SLIT3: variants seen among roughly 807,000 people sequenced by gnomAD.
SLIT3 encodes slit homolog 3 protein.
Under a neutral mutation model 184.0 loss-of-function variants are expected in SLIT3, and 68 were observed. That is an observed-to-expected ratio of 0.37 (90% CI 0.30 to 0.45). The LOEUF (loss-of-function observed/expected upper bound fraction) is 0.45. Among genes scored for constraint, SLIT3 ranks in the 20% least tolerant of loss-of-function variants. The probability of loss-of-function intolerance (pLI) is 1.00; values close to 1 mark genes in which losing one functional copy is unlikely to be tolerated. For synonymous variants in SLIT3, 831 were observed against 828.6 expected (o/e 1.00, Z -0.05); for missense variants, 1,707 against 2,026.0 (o/e 0.84, Z 3.02).
chr5:169,212,483 G>A (rs1764298843), intron 3 of SLIT3, among the ~76,000 whole-genome samples: 1 of 151,404 alleles, frequency 6.6e-6, no homozygotes, highest in African/African-American at 2.4e-5. Context: ...TTTTTTTCTT[G>A]TAAATTTAAG....
rs144462879 is a variant in SLIT3, at chr5:169,244,708, C to T, written c.338G>A (p.Arg113Gln). ...GAFQDLKQLE[R>Q]LRLNKNKLQV... ...AAGGAGGCTGTACTGTACTTACAGT[C>T]GCTCTAGCTGCTTCAGGTCCTGGAA... The change falls in exon 3 of 36, where the codon CGA becomes CAA. Residue 113 changes from arginine (R) to glutamine (Q), a missense_variant. This residue lies in a region of SLIT3 where 1,307 missense variants were observed against 1,511.6 expected (regional missense o/e 0.86). Coordinates refer to ENST00000519560, the MANE Select transcript of SLIT3 (RefSeq NM_003062.4). 4.6e-5 allele frequency: 75 copies of T among 1,613,090 alleles called. No homozygotes were observed. The African/African-American group carries it at 5.5e-4, about 12-fold the overall frequency.
chr5:168,690,919 GCTT>G (rs1761888378), intron 29 of SLIT3, among the ~76,000 whole-genome samples: 1 of 152,112 alleles, frequency 6.6e-6, no homozygotes, highest in African/African-American at 2.4e-5. Context: ...TTACTTACTT[GCTT>G]CTTCTTCCCC....
chr5:168,859,715 C>G (rs996892712), intron 5 of SLIT3, among the ~76,000 whole-genome samples: 1 of 152,212 alleles, frequency 6.6e-6, no homozygotes, highest in African/African-American at 2.4e-5. Context: ...AACTTGAGAT[C>G]TGACGGCATT....
At chr5:169,025,526 G>A (rs1177301919) in intron 4 of SLIT3, among the ~76,000 whole-genome samples, 2 of 152,082 alleles carry the variant, frequency 1.3e-5, no homozygotes, top group Non-Finnish European at 2.9e-5. Flanking sequence ...AACATCTTTT[G>A]CAAGATGAAT....
chr5:169,227,189 A>G (rs1194765077), intron 3 of SLIT3, among the ~76,000 whole-genome samples: 1 of 152,230 alleles, frequency 6.6e-6, no homozygotes, highest in Non-Finnish European at 1.5e-5. Context: ...TGAGGTAGGG[A>G]ATAGCTGAAC....
chr5:168,872,791 C>T (rs1017736021), intron 5 of SLIT3, among the ~76,000 whole-genome samples: 11 of 151,926 alleles, frequency 7.2e-5, no homozygotes, highest in Non-Finnish European at 1.5e-4. Context: ...CAGGCACCCG[C>T]CACCACACCC....
intron 20 of SLIT3, among the ~76,000 whole-genome samples, chr5:168,733,528 G>A (rs1018779618): frequency 6.6e-6 from 1 of 152,090 alleles, no homozygotes. Flanking sequence ...GCAAAGATAC[G>A]GAATCAACCT....
At chr5:169,283,575 G>C (rs536911486) in intron 1 of SLIT3, among the ~76,000 whole-genome samples, 2 of 152,172 alleles carry the variant, frequency 1.3e-5, no homozygotes, top group African/African-American at 4.8e-5. Flanking sequence ...AAGAAAGGCT[G>C]CTGCTAGGAA....
intron 5 of SLIT3, among the ~76,000 whole-genome samples, chr5:168,875,473 A>C (rs1759698681): frequency 6.6e-6 from 1 of 151,970 alleles, no homozygotes; most frequent in Non-Finnish European, 1.5e-5. Flanking sequence ...CTCTACTAAA[A>C]ATCCAAAAAA....
At chr5:169,227,591 C>A (rs914108191) in intron 3 of SLIT3, among the ~76,000 whole-genome samples, 2 of 152,266 alleles carry the variant, frequency 1.3e-5, no homozygotes, top group South Asian at 4.2e-4. Context: ...CCACACCCAG[C>A]CAATTTTTCT....
At chr5:168,950,608 GGCCAGACTTGGCCTAGGGGCCAGTTT>G (rs1348918104) in intron 4 of SLIT3, among the ~76,000 whole-genome samples, 1 of 152,182 alleles carries the variant, frequency 6.6e-6, no homozygotes, top group African/African-American at 2.4e-5. Flanking sequence ...ACATTCTGTG[GGCCAGACTTGGCCTAGGGGCCAGTTT>G]CCCAGGCCAT....
intron 4 of SLIT3, among the ~76,000 whole-genome samples, chr5:169,111,251 A>G (rs1344417524): frequency 6.6e-6 from 1 of 152,208 alleles, no homozygotes. Flanking sequence ...CAGAACTGTG[A>G]GACTATAAAT....
At position 168,770,113 on chromosome 5, in the gene SLIT3, G is replaced by A. The variant is rs74706972; in HGVS notation, c.1459+2668C>T. On this transcript the variant is annotated intron_variant, in intron 14 of 35. Transcript: ENST00000519560. Reference sequence around the variant, plus strand: ...GCCAAGTGCTCCCAGGGATGGGCTTGGGGTCCCAGGCAGCCAGACGGAGCC... The same window carrying A: ...GCCAAGTGCTCCCAGGGATGGGCTTAGGGTCCCAGGCAGCCAGACGGAGCC... Among the ~76,000 whole-genome samples, 123 of 152,318 alleles carry A rather than the reference G, an allele frequency of 8.1e-4. No homozygotes were observed. The East Asian group carries it at 0.022, about 27-fold the overall frequency.
intron 5 of SLIT3, among the ~76,000 whole-genome samples, chr5:168,847,215 T>A (rs1310726625): frequency 7.9e-5 from 12 of 152,236 alleles, no homozygotes; most frequent in Non-Finnish European, 1.6e-4. Context: ...TCTCTGTGGG[T>A]GTATTTTATA....
intron 23 of SLIT3, among the ~76,000 whole-genome samples, chr5:168,714,938 A>G (rs900226028): frequency 1.3e-5 from 2 of 152,204 alleles, no homozygotes; most frequent in Middle Eastern, 3.2e-3. Flanking sequence ...TCAGGGCAAC[A>G]TTAGGGCATA....
chr5:168,889,844 AC>A (rs1178982457), intron 4 of SLIT3, among the ~76,000 whole-genome samples: 1 of 152,204 alleles, frequency 6.6e-6, no homozygotes, highest in East Asian at 1.9e-4. Flanking sequence ...ACATCTAGAC[AC>A]CTCAAAAAGT....
chr5:169,193,030 G>A (rs145784845), intron 4 of SLIT3, among the ~76,000 whole-genome samples: 337 of 152,288 alleles, frequency 2.2e-3, no homozygotes, highest in Middle Eastern at 6.8e-3. Flanking sequence ...GACTGGCAGC[G>A]CTAGGAAGTG....
chr5:169,289,761 A>T (rs1414828383), intron 1 of SLIT3, among the ~76,000 whole-genome samples: 1 of 152,224 alleles, frequency 6.6e-6, no homozygotes, highest in African/African-American at 2.4e-5. Flanking sequence ...AGGAGCCAGG[A>T]GTAGCTAAAG....
At chr5:169,013,525 G>C (rs2113463672) in intron 4 of SLIT3, 1 of 152,290 alleles carries the variant, frequency 6.6e-6, no homozygotes, top group Middle Eastern at 3.4e-3. Context: ...CCTGACCACA[G>C]GTTTCGTTTT....
Sources: gnomAD v4.1 joint callset for allele counts (sites outside exome capture counted in the v4.1 genomes callset) on GRCh38, gnomAD v4.1.1 for gene constraint, gnomAD v4.1.1 regional missense constraint, MANE v1.5 for transcripts, NCBI Gene and HGNC (gene_info 2026-07-23, HGNC 2026-07-21) for gene names.